Variants in PPP3CA observed in about 807,000 individuals in gnomAD.
PPP3CA encodes protein phosphatase 3 catalytic subunit alpha, also known as CAM-PRP catalytic subunit.
In PPP3CA, 14 loss-of-function variants were observed where a neutral mutation model predicts 66.5. The observed-to-expected ratio is 0.21, with a 90% CI of 0.14 to 0.33. The LOEUF (loss-of-function observed/expected upper bound fraction) is 0.33, where lower values mean the gene tolerates loss of function less well. Among genes scored for constraint, PPP3CA ranks in the 10% least tolerant of loss-of-function variants. The pLI, the probability that PPP3CA is intolerant of heterozygous loss-of-function variation, is 1.00. For synonymous variants in PPP3CA, 232 were observed against 226.2 expected, an observed-to-expected ratio of 1.03 and a Z score of -0.23; for missense variants, 317 against 639.5, an observed-to-expected ratio of 0.50 and a Z score of 5.44.
chr4:101,324,161 GA>G (rs1729133938), intron 1 of PPP3CA, among the ~76,000 whole-genome samples: 1 of 80,820 alleles, frequency 1.2e-5, no homozygotes, highest in Admixed American at 1.2e-4. Context: ...AGGGAGGAAG[GA>G]AGGAAGGAAG....
chr4:101,157,228 C>T (rs1428584095), intron 2 of PPP3CA, among the ~76,000 whole-genome samples: 3 of 152,104 alleles, frequency 2.0e-5, no homozygotes, highest in Non-Finnish European at 4.4e-5. Context: ...ATGCAAAGTA[C>T]CTCCAGGTAA....
chr4:101,341,693 G>GA (rs1729824342), intron 1 of PPP3CA, among the ~76,000 whole-genome samples: 1 of 152,138 alleles, frequency 6.6e-6, no homozygotes, highest in Admixed American at 6.5e-5. Context: ...GTTAGCCTGT[G>GA]AAGTTATAAC....
chr4:101,200,514 C>G (rs1724934459), intron 1 of PPP3CA, among the ~76,000 whole-genome samples: 2 of 152,130 alleles, frequency 1.3e-5, no homozygotes, highest in South Asian at 4.1e-4. Flanking sequence ...TACTGCCTCA[C>G]CTCTTCCTGG....
At chr4:101,161,817 C>T (rs1308343761) in intron 2 of PPP3CA, among the ~76,000 whole-genome samples, 1 of 152,158 alleles carries the variant, frequency 6.6e-6, no homozygotes, top group African/African-American at 2.4e-5. Context: ...AGTGTCTACA[C>T]TAGCATACCA....
chr4:101,112,331 A>C (rs529876623), intron 2 of PPP3CA, among the ~76,000 whole-genome samples: 1 of 152,194 alleles, frequency 6.6e-6, no homozygotes, highest in Non-Finnish European at 1.5e-5. Flanking sequence ...CTTTGTGATA[A>C]GAGATAATCT....
intron 2 of PPP3CA, among the ~76,000 whole-genome samples, chr4:101,124,773 AAG>A (rs1560614674): frequency 3.4e-4 from 44 of 130,668 alleles, no homozygotes; most frequent in African/African-American, 1.4e-3. Flanking sequence ...GAAAGAAAGA[AAG>A]AAAGAAAGAA....
chr4:101,158,212 G>A (rs569184011), intron 2 of PPP3CA: 1 of 152,212 alleles, frequency 6.6e-6, no homozygotes, highest in Non-Finnish European at 1.5e-5. Flanking sequence ...CAATGACAAA[G>A]AGTCATCATC....
intron 1 of PPP3CA, among the ~76,000 whole-genome samples, chr4:101,276,068 A>AT: frequency 6.6e-6 from 1 of 150,960 alleles, no homozygotes; most frequent in East Asian, 1.9e-4. Context: ...AATTTTTCTA[A>AT]TTTTTTTGTA....
intron 1 of PPP3CA, among the ~76,000 whole-genome samples, chr4:101,257,439 CA>C (rs745786118): frequency 4.0e-5 from 6 of 151,068 alleles, no homozygotes; most frequent in Admixed American, 2.0e-4. Flanking sequence ...CTGAAGTCCA[CA>C]AATATTTGTT....
chr4:101,342,091 C>T (rs546799853), intron 1 of PPP3CA, among the ~76,000 whole-genome samples: 6 of 152,030 alleles, frequency 3.9e-5, no homozygotes, highest in East Asian at 1.9e-4. Context: ...TATTTCATCT[C>T]GCTAAAATTA....
intron 1 of PPP3CA, among the ~76,000 whole-genome samples, chr4:101,213,079 G>C (rs544083421): frequency 1.3e-5 from 2 of 152,112 alleles, no homozygotes; most frequent in Admixed American, 1.3e-4. Context: ...TAATCATTTT[G>C]ACAAATTGAG....
intron 1 of PPP3CA, among the ~76,000 whole-genome samples, chr4:101,320,980 C>T (rs779058750): frequency 2.0e-5 from 3 of 152,184 alleles, no homozygotes; most frequent in Non-Finnish European, 4.4e-5. Context: ...AAGAGGAAAG[C>T]ATCACAGAGA....
chr4:101,284,772 A>G (rs1336401068), intron 1 of PPP3CA, among the ~76,000 whole-genome samples: 1 of 152,116 alleles, frequency 6.6e-6, no homozygotes, highest in African/African-American at 2.4e-5. Flanking sequence ...GTACTTTCAA[A>G]TCTGGGAGCA....
intron 2 of PPP3CA, among the ~76,000 whole-genome samples, chr4:101,184,190 A>G (rs1431079622): frequency 6.6e-6 from 1 of 152,188 alleles, no homozygotes; most frequent in African/African-American, 2.4e-5. Context: ...TATGCTCGTT[A>G]GTTGTGATAC....
intron 2 of PPP3CA, among the ~76,000 whole-genome samples, chr4:101,186,295 C>T (rs1057195900): frequency 1.3e-5 from 2 of 152,086 alleles, no homozygotes; most frequent in African/African-American, 2.4e-5. Flanking sequence ...ATCCCTGCAA[C>T]ATTTTTCTGA....
intron 2 of PPP3CA, among the ~76,000 whole-genome samples, chr4:101,146,041 C>G (rs557788134): frequency 6.6e-6 from 1 of 152,272 alleles, no homozygotes; most frequent in South Asian, 2.1e-4. Context: ...TGGTCCAGAT[C>G]TAAGTATGAG....
intron 1 of PPP3CA, among the ~76,000 whole-genome samples, chr4:101,273,148 G>A (rs1727384889): frequency 7.2e-6 from 1 of 139,330 alleles, no homozygotes; most frequent in Non-Finnish European, 1.6e-5. Context: ...ATATTGTTTT[G>A]AGAATACAAA....
chr4:101,345,920 C>G (rs1049172882), intron 1 of PPP3CA, among the ~76,000 whole-genome samples: 1 of 152,198 alleles, frequency 6.6e-6, no homozygotes, highest in African/African-American at 2.4e-5. Context: ...GTGGAGAACC[C>G]TTTAAGAGCA....
At chr4:101,250,882 C>T (rs993401535) in intron 1 of PPP3CA, among the ~76,000 whole-genome samples, 6 of 151,962 alleles carry the variant, frequency 3.9e-5, no homozygotes, top group Non-Finnish European at 7.4e-5. Context: ...GACAAATAAA[C>T]GATCTCAACT....
Sources: gnomAD v4.1 joint callset for allele counts (sites outside exome capture counted in the v4.1 genomes callset) on GRCh38, gnomAD v4.1.1 for gene constraint, MANE v1.5 for transcripts, NCBI Gene and HGNC (gene_info 2026-07-23, HGNC 2026-07-21) for gene names.